The following REEP5 variants were observed in gnomAD, a reference collection of about 807,000 sequenced individuals.
REEP5 encodes the protein receptor expression-enhancing protein 5.
A neutral mutation model predicts 22.4 loss-of-function variants in REEP5; 24 were observed. That is an observed-to-expected ratio of 1.07 (90% CI 0.78 to 1.51). The LOEUF (loss-of-function observed/expected upper bound fraction) is 1.51, where lower values mean the gene tolerates loss of function less well. Among genes scored for constraint, REEP5 ranks in the 40% most tolerant of loss-of-function variants. REEP5 has a pLI of 0.00. For missense variants in REEP5, 252 were observed against 233.0 expected (o/e 1.08, Z -0.53); for synonymous variants, 103 against 88.6 (o/e 1.16, Z -0.92).
At position 112,913,246 on chromosome 5, in the gene REEP5, T is replaced by C. The variant is rs529098061; in HGVS notation, c.212+7917A>G. Among the ~76,000 whole-genome samples, 18 of 150,734 alleles carry C rather than the reference T, an allele frequency of 1.2e-4. No individual in the cohort carries two copies. In the East Asian group the frequency reaches 3.0e-3, roughly 25 times the overall value. ...GGAGGTGGAGGCTGCAGTGAGCTGA[T>C]TGCGCCACTGCACTCCAGCCTGGGC... On this transcript the variant is annotated intron_variant, in intron 2 of 4. Coordinates refer to ENST00000379638, the MANE Select transcript of REEP5 (RefSeq NM_005669.5).
chr5:112,901,272 C>A (rs959854773), intron 3 of REEP5, among the ~76,000 whole-genome samples: 2 of 151,988 alleles, frequency 1.3e-5, no homozygotes, highest in African/African-American at 4.8e-5. Flanking sequence ...AAAATATTAG[C>A]AATATGAAAC....
intron 1 of REEP5, 98 bp from the exon 2 acceptor site, chr5:112,921,354 T>A (rs1007605709): frequency 7.9e-6 from 9 of 1,138,430 alleles, no homozygotes; most frequent in Non-Finnish European, 1.2e-5. Flanking sequence ...GTTGTAGGAG[T>A]TTTCCTCTCG....
Position 112,887,003 on chromosome 5 carries a change from C to T in REEP5, c.520+12G>A. 6.3e-7 allele frequency: 1 copy of T among 1,580,370 alleles called. No homozygotes were observed. Among genetic ancestry groups the T allele is most frequent in the African/African-American group, 1.3e-5 (1 of 74,500 alleles). On this transcript the variant is annotated intron_variant, in intron 4 of 4. Transcript: ENST00000379638. The stretch of plus-strand genomic sequence containing the variant: ...CTCTCACATGTGGGGCCATCTTGTT[C>T]CTGAGTCTTACCTTCTTTAGTGATG...
Position 112,921,414 on chromosome 5 carries a change from G to A in REEP5, c.119-158C>T, listed in dbSNP as rs1021267866. 48 of 698,626 alleles carry A rather than the reference G, an allele frequency of 6.9e-5. 1 individual carries two copies. The highest frequency in any genetic ancestry group is 6.2e-4 in the African/African-American group (35 of 56,802). 43.3% of individuals were successfully genotyped at this position (698,626 alleles called of 1,614,324 possible). ...CAAACCACACGAAAGCTGGGCCTGCGCGTCCGCTGGGCTATGCCTTGAAGT... is the reference window on the plus strand; with the variant it reads ...CAAACCACACGAAAGCTGGGCCTGCACGTCCGCTGGGCTATGCCTTGAAGT... On this transcript the variant is annotated intron_variant, in intron 1 of 4. Coordinates refer to ENST00000379638, the MANE Select transcript of REEP5 (RefSeq NM_005669.5).
chr5:112,910,832 A>C (rs189719162), intron 2 of REEP5, among the ~76,000 whole-genome samples: 26 of 152,254 alleles, frequency 1.7e-4, no homozygotes, highest in African/African-American at 5.3e-4. Context: ...CTACTCACCC[A>C]CAGAGCCCTG....
chr5:112,890,107 G>T (rs912723400), intron 3 of REEP5, among the ~76,000 whole-genome samples: 1 of 150,254 alleles, frequency 6.7e-6, no homozygotes, highest in Non-Finnish European at 1.5e-5. Context: ...GATTACAGGC[G>T]TGAGCCACCG....
intron 2 of REEP5, among the ~76,000 whole-genome samples, chr5:112,911,646 T>G (rs1050906426): frequency 1.3e-5 from 2 of 152,220 alleles, no homozygotes; most frequent in Admixed American, 6.5e-5. Flanking sequence ...TGTACAACCT[T>G]TTTATATTTC....
In REEP5 at chr5:112,887,019, T is replaced by C. The variant is rs1768271492; in HGVS notation, c.516A>G (p.Lys172=). Residue 172 remains lysine (K), a synonymous_variant, in exon 4 of 5, where the codon AAA becomes AAG. Coordinates refer to ENST00000379638, the MANE Select transcript of REEP5 (RefSeq NM_005669.5). Reference sequence around the variant, plus strand: ...CATCTTGTTCCTGAGTCTTACCTTCTTTAGTGATGGCATCTGCAGTCTCTT... The same window carrying C: ...CATCTTGTTCCTGAGTCTTACCTTCCTTAGTGATGGCATCTGCAGTCTCTT... The part of the protein sequence containing the change: ...KAKETADAIT[K]EAKKATVNLL... The C allele has an allele frequency of 3.7e-6, 6 of 1,601,056 alleles. No homozygotes were observed. The highest frequency in any genetic ancestry group is 5.1e-6 in the Non-Finnish European group (6 of 1,169,962).
At chr5:112,921,365 A>T in intron 1 of REEP5, 109 bp from the exon 2 acceptor site, 1 of 1,020,260 alleles carries the variant, frequency 9.8e-7, no homozygotes, top group Non-Finnish European at 1.5e-6. Context: ...TTTCCTCTCG[A>T]CTCGATTAAA....
chr5:112,922,055 C>T lies in REEP5; in HGVS notation c.118+18G>A. On this transcript the variant is annotated intron_variant, in intron 1 of 4. Transcript: ENST00000379638. ...GCTCCCGTGGCCCTACCAGCGGCGG[C>T]GACCCCCGGCCACCCACCAAGAGCG... 1.3e-6 allele frequency: 2 copies of T among 1,579,850 alleles called. No homozygotes were observed. The highest frequency in any genetic ancestry group is 1.8e-5 in the Admixed American group (1 of 56,280).
At chr5:112,890,361 A>G (rs561921961) in intron 3 of REEP5, among the ~76,000 whole-genome samples, 1 of 135,224 alleles carries the variant, frequency 7.4e-6, no homozygotes, top group East Asian at 2.2e-4. Flanking sequence ...AGAACACAAA[A>G]TTTAAGTCTT....
Position 112,887,023 on chromosome 5 carries a change from G to C in REEP5, c.512C>G (p.Thr171Ser). ...DKAKETADAI[T>S]KEAKKATVNL... ...TTGTTCCTGAGTCTTACCTTCTTTA[G>C]TGATGGCATCTGCAGTCTCTTTGGC... Residue 171 changes from threonine to serine, a missense_variant, in exon 4 of 5, where the codon ACT becomes AGT. Transcript: ENST00000379638. 6.2e-7 allele frequency: 1 copy of C among 1,602,530 alleles called. No homozygotes were observed. Among genetic ancestry groups the C allele is most frequent in the Non-Finnish European group, 8.5e-7 (1 of 1,171,020 alleles).
intron 2 of REEP5, among the ~76,000 whole-genome samples, chr5:112,909,389 AAAAG>A (rs1368640035): frequency 6.6e-6 from 1 of 151,818 alleles, no homozygotes; most frequent in African/African-American, 2.4e-5. Flanking sequence ...GATTAAGAAG[AAAAG>A]AGAGAGATAA....
chr5:112,904,388 AATT>A (rs1354249826), intron 2 of REEP5, among the ~76,000 whole-genome samples: 1 of 142,744 alleles, frequency 7.0e-6, no homozygotes, highest in Non-Finnish European at 1.5e-5. Context: ...GGATTTATTT[AATT>A]ATTAGTATAA....
At chr5:112,898,822 A>G (rs1278115273) in intron 3 of REEP5, among the ~76,000 whole-genome samples, 2 of 152,202 alleles carry the variant, frequency 1.3e-5, no homozygotes, top group Non-Finnish European at 1.5e-5. Flanking sequence ...TTTGAATAAT[A>G]AAAACAAAAA....
At chr5:112,919,944 A>G (rs1350851888) in intron 2 of REEP5, among the ~76,000 whole-genome samples, 1 of 152,182 alleles carries the variant, frequency 6.6e-6, no homozygotes, top group Non-Finnish European at 1.5e-5. Flanking sequence ...TTATACAATC[A>G]TATTGGTTAT....
At chr5:112,892,356 A>G in intron 3 of REEP5, 2 of 1,614,116 alleles carry the variant, frequency 1.2e-6, no homozygotes, top group South Asian at 1.1e-5. Context: ...AAACCTACCA[A>G]CAGTTCCTAG....
At chr5:112,907,977 GA>G (rs1768992656) in intron 2 of REEP5, among the ~76,000 whole-genome samples, 1 of 150,714 alleles carries the variant, frequency 6.6e-6, no homozygotes, top group African/African-American at 2.4e-5. Flanking sequence ...AGTTAATCCT[GA>G]ATAACAGAAT....
intron 1 of REEP5, 147 bp downstream of exon 1, chr5:112,921,926 A>G: frequency 9.8e-7 from 1 of 1,018,394 alleles, no homozygotes; most frequent in Non-Finnish European, 1.3e-6. Context: ...GCTTTCCGGG[A>G]GGCCAGCCTG....
Sources: allele counts gnomAD v4.1 joint callset (sites outside exome capture counted in the v4.1 genomes callset), GRCh38; gene constraint gnomAD v4.1.1; transcripts MANE v1.5; gene names NCBI Gene and HGNC (gene_info 2026-07-23, HGNC 2026-07-21).